GRID2: variants seen among roughly 807,000 people sequenced by gnomAD.
GRID2 encodes glutamate ionotropic receptor delta type subunit 2.
GRID2 carries 33 observed loss-of-function variants against 114.8 expected under a neutral mutation model. That is an observed-to-expected ratio of 0.29 (90% CI 0.22 to 0.38). The LOEUF is 0.38. GRID2 is among the 10% of genes least tolerant of loss of function. The pLI, the probability that GRID2 is intolerant of heterozygous loss-of-function variation, is 1.00. For synonymous variants in GRID2, 505 were observed against 449.9 expected (o/e 1.12, Z -1.55); for missense variants, 1,184 against 1,257.7 (o/e 0.94, Z 0.89).
chr4:93,269,613 A>T (rs1362918852), intron 8 of GRID2, among the ~76,000 whole-genome samples: 1 of 152,222 alleles, frequency 6.6e-6, no homozygotes, highest in Non-Finnish European at 1.5e-5. Context: ...GGAGACATTC[A>T]GTGTGGCTTT....
intron 13 of GRID2, among the ~76,000 whole-genome samples, chr4:93,610,955 A>T (rs568629554): frequency 0.1 from 12,227 of 117,542 alleles, 1,171 homozygotes; most frequent in African/African-American, 0.14. Context: ...GGACTCTTTT[A>T]GGTTGGTAAA....
At chr4:93,250,687 A>G (rs940729769) in intron 8 of GRID2, among the ~76,000 whole-genome samples, 4 of 146,974 alleles carry the variant, frequency 2.7e-5, no homozygotes, top group African/African-American at 9.9e-5. Context: ...TATATTATAT[A>G]TATATAAAAT....
intron 2 of GRID2, among the ~76,000 whole-genome samples, chr4:92,753,863 T>C (rs116321312): frequency 3.5e-4 from 54 of 152,310 alleles, no homozygotes; most frequent in African/African-American, 1.3e-3. Context: ...TATAAGAATT[T>C]CATGATACTA....
At chr4:93,595,026 G>C (rs1460364489) in intron 13 of GRID2, among the ~76,000 whole-genome samples, 1 of 152,148 alleles carries the variant, frequency 6.6e-6, no homozygotes, top group Non-Finnish European at 1.5e-5. Flanking sequence ...GCATCGCTCA[G>C]GCTGGGAGCT....
intron 1 of GRID2, among the ~76,000 whole-genome samples, chr4:92,309,739 C>T (rs144956297): frequency 9.2e-4 from 140 of 151,916 alleles, no homozygotes; most frequent in African/African-American, 3.2e-3. Flanking sequence ...GATTGCTAGA[C>T]CTAGTGATAC....
chr4:93,600,384 T>A (rs1739551199), intron 13 of GRID2, among the ~76,000 whole-genome samples: 1 of 151,828 alleles, frequency 6.6e-6, no homozygotes, highest in Admixed American at 6.6e-5. Context: ...AAAAGACAAA[T>A]AGTATAATAA....
intron 4 of GRID2, among the ~76,000 whole-genome samples, chr4:93,160,855 T>C (rs1737626882): frequency 6.6e-6 from 1 of 151,868 alleles, no homozygotes; most frequent in Non-Finnish European, 1.5e-5. Context: ...GCTGATCTAC[T>C]GAACCTGAAT....
intron 2 of GRID2, among the ~76,000 whole-genome samples, chr4:92,902,289 G>A (rs1560683910): frequency 6.6e-6 from 1 of 151,924 alleles, no homozygotes; most frequent in Non-Finnish European, 1.5e-5. Flanking sequence ...CAGTTGTAAT[G>A]TCTTCTTTTT....
At chr4:92,399,152 C>A (rs1730654447) in intron 1 of GRID2, among the ~76,000 whole-genome samples, 1 of 152,156 alleles carries the variant, frequency 6.6e-6, no homozygotes, top group African/African-American at 2.4e-5. Context: ...CGGGGTATGT[C>A]ATTGAGAACT....
chr4:93,003,461 G>A (rs1236916815), intron 2 of GRID2, among the ~76,000 whole-genome samples: 4 of 151,822 alleles, frequency 2.6e-5, no homozygotes, highest in Admixed American at 2.6e-4. Context: ...GAAATATATG[G>A]CATGAATAAG....
At chr4:92,758,399 TACG>T (rs1489865536) in intron 2 of GRID2, among the ~76,000 whole-genome samples, 1 of 152,154 alleles carries the variant, frequency 6.6e-6, no homozygotes, top group Non-Finnish European at 1.5e-5. Flanking sequence ...CTTTTTTTGT[TACG>T]ACAACTATAT....
At chr4:93,109,928 A>G (rs1732606088) in intron 3 of GRID2, among the ~76,000 whole-genome samples, 1 of 152,116 alleles carries the variant, frequency 6.6e-6, no homozygotes, top group Admixed American at 6.6e-5. Context: ...ATTGAATTTT[A>G]CTTTTCTTAT....
intron 13 of GRID2, among the ~76,000 whole-genome samples, chr4:93,615,307 A>G (rs1029755949): frequency 2.0e-5 from 3 of 152,194 alleles, no homozygotes; most frequent in African/African-American, 7.2e-5. Flanking sequence ...GGTGTCCACC[A>G]TTTTTAAACA....
intron 2 of GRID2, among the ~76,000 whole-genome samples, chr4:92,653,846 T>C (rs2149264027): frequency 6.6e-6 from 1 of 152,258 alleles, no homozygotes; most frequent in African/African-American, 2.4e-5. Flanking sequence ...TGTAATATAT[T>C]TGTGACATCT....
intron 14 of GRID2, among the ~76,000 whole-genome samples, chr4:93,698,177 A>C (rs72875904): frequency 0.039 from 5,879 of 151,960 alleles, 366 homozygotes; most frequent in African/African-American, 0.13. Context: ...CTCCTCCTTC[A>C]AAAAATTATA....
rs145790829 is a variant in GRID2 at position 92,850,022 on chromosome 4, A to G, written c.245-234973A>G. ...CACAAATTTAAATATCTTTAAAACAATTATATTTATGGTTCTCAGAACATT... is the reference window on the plus strand; with the variant it reads ...CACAAATTTAAATATCTTTAAAACAGTTATATTTATGGTTCTCAGAACATT... On this transcript the variant is annotated intron_variant, in intron 2 of 15. Coordinates refer to ENST00000282020, the MANE Select transcript of GRID2 (RefSeq NM_001510.4). Among the ~76,000 whole-genome samples, 897 of 151,450 alleles carry G rather than the reference A, an allele frequency of 5.9e-3. 16 individuals are homozygous for G. Among genetic ancestry groups the G allele is most frequent in the African/African-American group, 0.021 (854 of 41,514 alleles).
At chr4:92,628,636 G>T (rs1171718037) in intron 2 of GRID2, among the ~76,000 whole-genome samples, 1 of 152,164 alleles carries the variant, frequency 6.6e-6, no homozygotes, top group African/African-American at 2.4e-5. Flanking sequence ...AGGATTACAG[G>T]CGTGAGCCAT....
chr4:92,444,283 A>G (rs1161451766), intron 1 of GRID2, among the ~76,000 whole-genome samples: 1 of 152,192 alleles, frequency 6.6e-6, no homozygotes, highest in Non-Finnish European at 1.5e-5. Flanking sequence ...GGGTGCAGGC[A>G]GGCTGAGTCC....
intron 1 of GRID2, among the ~76,000 whole-genome samples, chr4:92,413,995 G>C (rs140959383): frequency 4.1e-4 from 63 of 152,126 alleles, no homozygotes; most frequent in Non-Finnish European, 8.5e-4. Context: ...TAACATAAAA[G>C]AACAAAAGGA....
Sources: gnomAD v4.1 joint callset for allele counts (sites outside exome capture counted in the v4.1 genomes callset) on GRCh38, gnomAD v4.1.1 for gene constraint, MANE v1.5 for transcripts, NCBI Gene and HGNC (gene_info 2026-07-23, HGNC 2026-07-21) for gene names.